The following DKK2 variants were observed in gnomAD, a reference collection of about 807,000 sequenced individuals.
DKK2 encodes the protein dickkopf-related protein 2.
A neutral mutation model predicts 28.1 loss-of-function variants in DKK2; 11 were observed. That is an observed-to-expected ratio of 0.39 (90% confidence interval 0.25 to 0.65). The LOEUF (loss-of-function observed/expected upper bound fraction) is 0.65. DKK2 is among the 30% of genes least tolerant of loss of function. The pLI is 0.47. For synonymous variants in DKK2, 135 were observed against 126.5 expected (o/e 1.07, Z -0.45); for missense variants, 326 against 335.5 (o/e 0.97, Z 0.22).
chr4:107,019,892 C>T, intron 1 of DKK2, among the ~76,000 whole-genome samples: 1 of 151,842 alleles, frequency 6.6e-6, no homozygotes, highest in South Asian at 2.1e-4. Context: ...GTGTTCAGTG[C>T]TTTGGCTTTG....
intron 1 of DKK2, among the ~76,000 whole-genome samples, chr4:106,976,948 C>G (rs771935356): frequency 6.6e-6 from 1 of 152,092 alleles, no homozygotes; most frequent in Non-Finnish European, 1.5e-5. Flanking sequence ...TGACAAAAAT[C>G]TCTCAGCATT....
Position 106,985,711 on chromosome 4 carries a change from A to C in DKK2, c.222+49659T>G, listed in dbSNP as rs146175643. ...GTAATCCCAACTATACAGGAGACTG[A>C]GGCAGGAGAATCACTTGAACCTAGG... On this transcript the variant is annotated intron_variant, in intron 1 of 3. Coordinates refer to ENST00000285311, the MANE Select transcript of DKK2 (RefSeq NM_014421.3). Among the ~76,000 whole-genome samples the C allele has an allele frequency of 3.4e-3, 519 of 151,850 alleles. 3 individuals are homozygous for C. Among genetic ancestry groups the C allele is most frequent in the African/African-American group, 0.012 (506 of 41,420 alleles).
At chr4:107,032,557 T>C (rs1029327953) in intron 1 of DKK2, among the ~76,000 whole-genome samples, 3 of 152,114 alleles carry the variant, frequency 2.0e-5, no homozygotes, top group Admixed American at 6.5e-5. Context: ...CAATATTTAA[T>C]TCTCTATCCT....
At chr4:106,993,281 G>C (rs1481875844) in intron 1 of DKK2, among the ~76,000 whole-genome samples, 1 of 152,164 alleles carries the variant, frequency 6.6e-6, no homozygotes, top group East Asian at 1.9e-4. Context: ...CTGCATTGTT[G>C]TCAGGAATTC....
intron 1 of DKK2, among the ~76,000 whole-genome samples, chr4:107,005,582 C>T (rs1448569991): frequency 6.6e-6 from 1 of 151,996 alleles, no homozygotes; most frequent in Non-Finnish European, 1.5e-5. Context: ...ATTCTTTCTT[C>T]CTTGGGTGGT....
intron 1 of DKK2, among the ~76,000 whole-genome samples, chr4:107,022,085 T>G (rs1403978175): frequency 6.6e-6 from 1 of 152,028 alleles, no homozygotes; most frequent in African/African-American, 2.4e-5. Context: ...AACTAAGAGA[T>G]ACAATAAAAA....
In DKK2 at chr4:107,035,450, C is replaced by A; in HGVS notation, c.142G>T (p.Gly48Cys). Reference sequence around the variant, plus strand: ...CCCGCAGATCGATTGGCGGCCTGACCAGGCGTCTCCCCGCCCAGAGAGGAC... The same window carrying A: ...CCCGCAGATCGATTGGCGGCCTGACAAGGCGTCTCCCCGCCCAGAGAGGAC... ...IKSSLGGETP[G>C]QAANRSAGMY... Residue 48 changes from glycine to cysteine, a missense_variant, in exon 1 of 4, where the codon GGT (glycine) becomes TGT (cysteine). Transcript: ENST00000285311. 6.2e-7 allele frequency: 1 copy of A among 1,614,220 alleles called. No homozygotes were observed. Among genetic ancestry groups the A allele is most frequent in the South Asian group, 1.1e-5 (1 of 91,082 alleles).
At chr4:106,977,682 A>C (rs1189117506) in intron 1 of DKK2, among the ~76,000 whole-genome samples, 1 of 152,150 alleles carries the variant, frequency 6.6e-6, no homozygotes, top group East Asian at 1.9e-4. Flanking sequence ...GGGTTAGAAC[A>C]TGCTCCTTTA....
At chr4:107,023,307 G>T (rs1035763414) in intron 1 of DKK2, among the ~76,000 whole-genome samples, 3 of 152,028 alleles carry the variant, frequency 2.0e-5, no homozygotes, top group Admixed American at 6.6e-5. Context: ...AACGATTTTA[G>T]CTTATAAAAA....
At chr4:106,930,312 C>T (rs1724483989) in intron 1 of DKK2, among the ~76,000 whole-genome samples, 1 of 152,122 alleles carries the variant, frequency 6.6e-6, no homozygotes, top group African/African-American at 2.4e-5. Flanking sequence ...CCAAAGTCTT[C>T]TCAAAACTGC....
At chr4:106,987,074 G>C (rs1159174521) in intron 1 of DKK2, among the ~76,000 whole-genome samples, 3 of 152,154 alleles carry the variant, frequency 2.0e-5, no homozygotes, top group Non-Finnish European at 2.9e-5. Flanking sequence ...CTAACTATTT[G>C]AGGCATAATT....
intron 1 of DKK2, among the ~76,000 whole-genome samples, chr4:107,029,029 G>A (rs1307524358): frequency 6.6e-6 from 1 of 152,136 alleles, no homozygotes; most frequent in Non-Finnish European, 1.5e-5. Context: ...AGGACGGGGG[G>A]CAAGTAGAGG....
At chr4:106,936,185 T>G (rs1166544474) in intron 1 of DKK2, among the ~76,000 whole-genome samples, 1 of 151,990 alleles carries the variant, frequency 6.6e-6, no homozygotes, top group Non-Finnish European at 1.5e-5. Flanking sequence ...GGGAGGACAT[T>G]CAAACCAAAG....
intron 1 of DKK2, among the ~76,000 whole-genome samples, chr4:106,945,295 T>C (rs78272554): frequency 0.025 from 3,876 of 152,246 alleles, 62 homozygotes; most frequent in Non-Finnish European, 0.037. Flanking sequence ...GATTTTCTTA[T>C]ATAGAAATGT....
chr4:106,954,778 C>G (rs565506212), intron 1 of DKK2, among the ~76,000 whole-genome samples: 72 of 152,294 alleles, frequency 4.7e-4, no homozygotes, highest in African/African-American at 1.7e-3. Flanking sequence ...GCCTCGCCCT[C>G]GCAAAGTGCT....
chr4:106,957,976 A>G (rs1722626354), intron 1 of DKK2, among the ~76,000 whole-genome samples: 1 of 150,890 alleles, frequency 6.6e-6, no homozygotes, highest in South Asian at 2.1e-4. Context: ...ATTTTTTTCC[A>G]AGAGTAATAA....
Position 106,946,094 on chromosome 4 carries a change from C to T in DKK2, c.223-20145G>A, listed in dbSNP as rs374467051. On this transcript the variant is annotated intron_variant, in intron 1 of 3. Coordinates refer to ENST00000285311, the MANE Select transcript of DKK2 (RefSeq NM_014421.3). ...AAAATGATTTCACAATTTGCTTAGGCACTTTATCTATGTGTCATTTTACAA... is the reference window on the plus strand; with the variant it reads ...AAAATGATTTCACAATTTGCTTAGGTACTTTATCTATGTGTCATTTTACAA... Among the ~76,000 whole-genome samples, 119 of 152,212 alleles carry T rather than the reference C, an allele frequency of 7.8e-4. 1 individual carries two copies. The highest frequency in any genetic ancestry group is 2.6e-3 in the African/African-American group (109 of 41,546).
At chr4:106,957,949 G>A (rs1338324615) in intron 1 of DKK2, among the ~76,000 whole-genome samples, 2 of 149,684 alleles carry the variant, frequency 1.3e-5, no homozygotes, top group Non-Finnish European at 3.0e-5. Flanking sequence ...TTTTAAAAAA[G>A]ATGATTCTCT....
chr4:106,977,848 G>C (rs1005072892), intron 1 of DKK2, among the ~76,000 whole-genome samples: 1 of 152,164 alleles, frequency 6.6e-6, no homozygotes, highest in African/African-American at 2.4e-5. Context: ...GCCTTTTTGC[G>C]CTGGGTTTTC....
Sources: allele counts gnomAD v4.1 joint callset (sites outside exome capture counted in the v4.1 genomes callset), GRCh38; gene constraint gnomAD v4.1.1; transcripts MANE v1.5; gene names NCBI Gene and HGNC (gene_info 2026-07-23, HGNC 2026-07-21).